The following NXPE2 variants were observed in gnomAD, a reference collection of about 807,000 sequenced individuals.
NXPE2 encodes NXPE family member 2.
In NXPE2, 34 loss-of-function variants were observed where a neutral mutation model predicts 34.4. The ratio of observed to expected loss-of-function variants is 0.99; its 90% CI spans 0.75 to 1.31. The LOEUF is 1.31. Among genes scored for constraint, NXPE2 ranks in the 40% most tolerant of loss-of-function variants. The pLI, the probability that NXPE2 is intolerant of heterozygous loss-of-function variation, is 0.00. For missense variants in NXPE2, 649 were observed against 672.5 expected (o/e 0.97, Z 0.39); for synonymous variants, 235 against 231.3 (o/e 1.02, Z -0.15).
At chr11:114,713,294 A>G in the NXPE2 span, among the ~76,000 whole-genome samples, 151 of 152,310 alleles carry the variant, frequency 9.9e-4, no homozygotes, top group Admixed American at 8.2e-3. Context: ...TTAAGAGGAT[A>G]ATGTTGTTTT....
chr11:114,586,969 C>A, the NXPE2 span, among the ~76,000 whole-genome samples: 23 of 152,148 alleles, frequency 1.5e-4, no homozygotes, highest in Non-Finnish European at 3.2e-4. Context: ...CCCCACACCC[C>A]CTGTGAACAT....
the NXPE2 span, among the ~76,000 whole-genome samples, chr11:114,620,070 T>G: frequency 0.011 from 1,432 of 134,244 alleles, 19 homozygotes; most frequent in African/African-American, 0.038. Context: ...TTACCTGGTG[T>G]ATAATAAGTG....
the NXPE2 span, among the ~76,000 whole-genome samples, chr11:114,506,858 C>G: frequency 6.6e-6 from 1 of 151,924 alleles, no homozygotes; most frequent in African/African-American, 2.4e-5. Context: ...CCAAAGCTAG[C>G]AGAAGGCAAG....
the NXPE2 span, among the ~76,000 whole-genome samples, chr11:114,813,053 T>C: frequency 1.3e-5 from 2 of 152,172 alleles, no homozygotes; most frequent in Admixed American, 1.3e-4. Context: ...AACTCATCCT[T>C]ATTAATGCCA....
chr11:114,636,010 C>T, the NXPE2 span, among the ~76,000 whole-genome samples: 10 of 152,028 alleles, frequency 6.6e-5, no homozygotes, highest in South Asian at 2.1e-3. Context: ...CCCTCTTTTT[C>T]TATTGATTGG....
At chr11:114,810,536 C>T in the NXPE2 span, among the ~76,000 whole-genome samples, 1 of 152,002 alleles carries the variant, frequency 6.6e-6, no homozygotes, top group Non-Finnish European at 1.5e-5. Context: ...AGGATATGAA[C>T]AGACACTTCT....
At chr11:114,530,358 A>G in the NXPE2 span, 3 of 1,614,190 alleles carry the variant, frequency 1.9e-6, no homozygotes, top group Non-Finnish European at 2.5e-6. Flanking sequence ...ACATTCAGTG[A>G]AGACATGAGA....
At chr11:114,807,364 G>A in the NXPE2 span, among the ~76,000 whole-genome samples, 6 of 152,298 alleles carry the variant, frequency 3.9e-5, no homozygotes, top group African/African-American at 1.4e-4. Flanking sequence ...ATGTAAATGG[G>A]CTAAATGCTG....
the NXPE2 span, among the ~76,000 whole-genome samples, chr11:114,484,087 TC>T: frequency 6.6e-6 from 1 of 152,138 alleles, no homozygotes; most frequent in South Asian, 2.1e-4. Flanking sequence ...CGTCATGTCT[TC>T]CTGATGACTG....
chr11:114,477,037 G>A, the NXPE2 span, among the ~76,000 whole-genome samples: 1 of 152,144 alleles, frequency 6.6e-6, no homozygotes. Context: ...ATTTGTGATA[G>A]CCCTAAACTA....
the NXPE2 span, chr11:114,553,797 A>T: frequency 7.2e-6 from 7 of 976,604 alleles, no homozygotes; most frequent in East Asian, 6.8e-4. Flanking sequence ...TTGCTGGCTT[A>T]TGAAAGCCTA....
chr11:114,511,292 C>T, the NXPE2 span, among the ~76,000 whole-genome samples: 1 of 152,288 alleles, frequency 6.6e-6, no homozygotes, highest in East Asian at 1.9e-4. Context: ...GCAGATGTGC[C>T]TGGAACGTGA....
At chr11:114,532,242 A>T in the NXPE2 span, among the ~76,000 whole-genome samples, 47 of 152,320 alleles carry the variant, frequency 3.1e-4, 1 homozygote, top group African/African-American at 8.7e-4. Flanking sequence ...GATGAACAGA[A>T]CCCACATTGA....
the NXPE2 span, among the ~76,000 whole-genome samples, chr11:114,531,574 T>C: frequency 7.9e-5 from 12 of 152,198 alleles, no homozygotes; most frequent in Non-Finnish European, 7.3e-5. Flanking sequence ...CTTGTAATTC[T>C]TGGGTAAAAT....
chr11:114,625,360 T>C, the NXPE2 span, among the ~76,000 whole-genome samples: 5 of 152,118 alleles, frequency 3.3e-5, no homozygotes, highest in Non-Finnish European at 7.4e-5. Context: ...ATAATAAGTA[T>C]TGCCTCTTGG....
At chr11:114,523,233 T>G in the NXPE2 span, 1 of 630,482 alleles carries the variant, frequency 1.6e-6, no homozygotes, top group East Asian at 2.7e-5. Context: ...AGTCCTATTC[T>G]TTGATCATTA....
chr11:114,730,711 G>A, the NXPE2 span, among the ~76,000 whole-genome samples: 19 of 152,182 alleles, frequency 1.2e-4, no homozygotes, highest in South Asian at 3.1e-3. Context: ...TGTTATTGGT[G>A]TATAGAAATG....
chr11:114,501,104 G>A, the NXPE2 span, among the ~76,000 whole-genome samples: 8 of 152,280 alleles, frequency 5.3e-5, no homozygotes, highest in African/African-American at 1.2e-4. Context: ...CAGCAATGAC[G>A]CCAAATAGTT....
At chr11:114,661,225 T>C in the NXPE2 span, among the ~76,000 whole-genome samples, 2 of 152,264 alleles carry the variant, frequency 1.3e-5, no homozygotes, top group African/African-American at 4.8e-5. Flanking sequence ...TCCAGTAGGG[T>C]ACTTTTTATT....
Sources: gnomAD v4.1 joint callset for allele counts (sites outside exome capture counted in the v4.1 genomes callset) on GRCh38, gnomAD v4.1.1 for gene constraint, MANE v1.5 for transcripts, NCBI Gene and HGNC (gene_info 2026-07-23, HGNC 2026-07-21) for gene names.